PCDH15: variants seen among roughly 807,000 people sequenced by gnomAD.
The protein encoded by PCDH15 is protocadherin-15.
A neutral mutation model predicts 178.5 loss-of-function variants in PCDH15; 129 were observed. That is an observed-to-expected ratio of 0.72 (90% confidence interval 0.63 to 0.84). The LOEUF (loss-of-function observed/expected upper bound fraction) is 0.84, where lower values mean the gene tolerates loss of function less well. PCDH15 is among the 40% of genes least tolerant of loss of function. The probability of loss-of-function intolerance (pLI) is 0.00; values close to 1 mark genes in which losing one functional copy is unlikely to be tolerated. For synonymous variants in PCDH15, 800 were observed against 732.0 expected, an observed-to-expected ratio of 1.09 and a Z score of -1.50; for missense variants, 2,230 against 2,099.9, an observed-to-expected ratio of 1.06 and a Z score of -1.21.
chr10:54,592,390 G>T (rs765978734), intron 2 of PCDH15, among the ~76,000 whole-genome samples: 1 of 149,742 alleles, frequency 6.7e-6, no homozygotes, highest in African/African-American at 2.5e-5. Flanking sequence ...CTTTATTGAG[G>T]TATAGCTGAC....
In PCDH15 at chr10:54,991,307, A is replaced by C. The variant is rs148798837; in HGVS notation, c.-79-93807T>G. Among the ~76,000 whole-genome samples the C allele has an allele frequency of 5.1e-3, 782 of 152,266 alleles. 4 individuals carry two copies. Among genetic ancestry groups the C allele is most frequent in the African/African-American group, 0.018 (751 of 41,576 alleles). ...TAACAATGATAACTGAATTCATATA[A>C]ATATATTGTTCCACTTACTGAGTAG... On this transcript the variant is annotated intron_variant, in intron 2 of 5. Coordinates refer to the PCDH15 transcript ENST00000458638.
intron 3 of PCDH15, among the ~76,000 whole-genome samples, chr10:54,869,471 ATATAT>A (rs1380493411): frequency 2.0e-5 from 3 of 152,204 alleles, no homozygotes; most frequent in Admixed American, 1.3e-4. Flanking sequence ...GTGAGTCATT[ATATAT>A]TAAAGAGTAC....
At chr10:54,943,257 TG>T (rs1838107450) in intron 2 of PCDH15, among the ~76,000 whole-genome samples, 1 of 151,960 alleles carries the variant, frequency 6.6e-6, no homozygotes, top group Non-Finnish European at 1.5e-5. Context: ...CCTTGTCTCT[TG>T]GTGTTCATCC....
At chr10:54,365,474 T>G (rs1946654108) in intron 5 of PCDH15, among the ~76,000 whole-genome samples, 1 of 152,124 alleles carries the variant, frequency 6.6e-6, no homozygotes, top group South Asian at 2.1e-4. Flanking sequence ...AAAAATTTTC[T>G]CTCAATGAAA....
At chr10:55,283,409 A>G (rs1381683812) in intron 1 of PCDH15, among the ~76,000 whole-genome samples, 1 of 152,078 alleles carries the variant, frequency 6.6e-6, no homozygotes, top group East Asian at 1.9e-4. Context: ...GATTTGAATA[A>G]TAACAAAACT....
chr10:54,193,187 T>G (rs1215014572), intron 11 of PCDH15, among the ~76,000 whole-genome samples: 1 of 152,204 alleles, frequency 6.6e-6, no homozygotes, highest in African/African-American at 2.4e-5. Flanking sequence ...GCCCTGTGAG[T>G]ACTACTGTCT....
chr10:54,137,622 C>T (rs529517190), intron 14 of PCDH15, among the ~76,000 whole-genome samples: 1 of 152,234 alleles, frequency 6.6e-6, no homozygotes, highest in African/African-American at 2.4e-5. Flanking sequence ...ATTATGATTG[C>T]TTCCTAGCCC....
intron 2 of PCDH15, among the ~76,000 whole-genome samples, chr10:55,099,500 A>G (rs1296623962): frequency 1.1e-4 from 16 of 152,114 alleles, no homozygotes; most frequent in Admixed American, 9.8e-4. Context: ...GAATTATTGC[A>G]GTGTAGTAAT....
intron 2 of PCDH15, among the ~76,000 whole-genome samples, chr10:55,484,579 A>G (rs1158439653): frequency 6.6e-6 from 1 of 151,830 alleles, no homozygotes; most frequent in Non-Finnish European, 1.5e-5. Context: ...AAGACCCCAG[A>G]TAGCCAAAGC....
At chr10:55,488,287 G>A (rs747320361) in intron 2 of PCDH15, among the ~76,000 whole-genome samples, 2 of 151,486 alleles carry the variant, frequency 1.3e-5, no homozygotes, top group Non-Finnish European at 3.0e-5. Context: ...TCTTAGACGT[G>A]AGGCTCATTT....
chr10:55,078,352 G>A (rs951965119), intron 2 of PCDH15, among the ~76,000 whole-genome samples: 1 of 152,076 alleles, frequency 6.6e-6, no homozygotes, highest in Admixed American at 6.6e-5. Flanking sequence ...GTATCTGGAT[G>A]TCTAAATATA....
intron 2 of PCDH15, among the ~76,000 whole-genome samples, chr10:54,655,256 AAGAGAGAGAGAGAG>A (rs1173377441): frequency 0.018 from 892 of 48,910 alleles, 10 homozygotes; most frequent in Middle Eastern, 0.11. Context: ...GAAAGAAAGA[AAGAGAGAGAGAGAG>A]AGAGAGAGAG....
chr10:54,118,926 A>G (rs1476410965), intron 15 of PCDH15, among the ~76,000 whole-genome samples: 4 of 152,158 alleles, frequency 2.6e-5, no homozygotes, highest in African/African-American at 9.7e-5. Flanking sequence ...CAGATCCTGG[A>G]GAGGAAAACA....
At chr10:55,238,070 A>G (rs944889878) in intron 1 of PCDH15, among the ~76,000 whole-genome samples, 1 of 151,244 alleles carries the variant, frequency 6.6e-6, no homozygotes, top group African/African-American at 2.4e-5. Context: ...TATATACGTG[A>G]TTTTTGACCT....
chr10:55,326,010 A>C (rs918397214), intron 2 of PCDH15, among the ~76,000 whole-genome samples: 4 of 152,186 alleles, frequency 2.6e-5, no homozygotes, highest in African/African-American at 9.6e-5. Context: ...ACTAATCATT[A>C]GAGAAATCCA....
intron 2 of PCDH15, among the ~76,000 whole-genome samples, chr10:54,565,043 G>T (rs2088811541): frequency 6.6e-6 from 1 of 152,112 alleles, no homozygotes. Flanking sequence ...ACAAGTGGAT[G>T]CATTGATCTA....
intron 2 of PCDH15, among the ~76,000 whole-genome samples, chr10:55,535,297 A>G (rs2132068119): frequency 6.6e-6 from 1 of 152,240 alleles, no homozygotes; most frequent in African/African-American, 2.4e-5. Context: ...TGCTTCCAGG[A>G]ACATTTGAGG....
chr10:55,578,690 G>C (rs1252814499), intron 2 of PCDH15, among the ~76,000 whole-genome samples: 1 of 152,132 alleles, frequency 6.6e-6, no homozygotes, highest in Admixed American at 6.6e-5. Context: ...ATTTATAAAG[G>C]AAAGAGGTCT....
intron 2 of PCDH15, among the ~76,000 whole-genome samples, chr10:55,439,879 A>T (rs1439207897): frequency 1.3e-5 from 2 of 152,284 alleles, no homozygotes; most frequent in African/African-American, 4.8e-5. Context: ...AGAAAAAAGT[A>T]AAATAAAACT....
Sources: allele counts gnomAD v4.1 joint callset (sites outside exome capture counted in the v4.1 genomes callset), GRCh38; gene constraint gnomAD v4.1.1; transcripts MANE v1.5; gene names NCBI Gene and HGNC (gene_info 2026-07-23, HGNC 2026-07-21).